Variants in NEO1 observed in about 807,000 individuals in gnomAD.
The protein encoded by NEO1 is neogenin.
A neutral mutation model predicts 159.7 loss-of-function variants in NEO1; 63 were observed. That is an observed-to-expected ratio of 0.39 (90% confidence interval 0.32 to 0.49). The LOEUF (loss-of-function observed/expected upper bound fraction) is 0.49. NEO1 is among the 20% of genes least tolerant of loss of function. The pLI, the probability that NEO1 is intolerant of heterozygous loss-of-function variation, is 0.85. For synonymous variants in NEO1, 633 were observed against 662.0 expected, an observed-to-expected ratio of 0.96 and a Z score of 0.67; for missense variants, 1,615 against 1,831.0, an observed-to-expected ratio of 0.88 and a Z score of 2.15.
chr15:73,084,055 T>C (rs1447782391), intron 1 of NEO1, among the ~76,000 whole-genome samples: 1 of 152,150 alleles, frequency 6.6e-6, no homozygotes, highest in Non-Finnish European at 1.5e-5. Flanking sequence ...TATATAGGGA[T>C]TGTGGAATGG....
chr15:73,231,590 C>T (rs2038913730), intron 7 of NEO1, among the ~76,000 whole-genome samples: 4 of 152,104 alleles, frequency 2.6e-5, no homozygotes, highest in Admixed American at 2.6e-4. Flanking sequence ...AAAAATTAGC[C>T]AGGCGTGGAT....
chr15:73,288,107 T>C (rs2042018730), intron 23 of NEO1, among the ~76,000 whole-genome samples: 1 of 152,170 alleles, frequency 6.6e-6, no homozygotes, highest in African/African-American at 2.4e-5. Flanking sequence ...TCTAAATATG[T>C]GTGGACAAAA....
rs142642737 is a variant in NEO1 at position 73,067,851 on chromosome 15, C to T, written c.130+15046C>T. 8.6e-3 allele frequency among the ~76,000 whole-genome samples: 1,308 copies of T among 152,110 alleles called. 23 individuals carry two copies. Among genetic ancestry groups the T allele is most frequent in the African/African-American group, 0.03 (1,231 of 41,500 alleles). On this transcript the variant is annotated intron_variant, in intron 1 of 28. Transcript: ENST00000261908. The stretch of plus-strand genomic sequence containing the variant: ...TAGGATGGTCTCGATCTCCTGACCT[C>T]GTGATCCACCTGTTTCGGCCTCCCA...
At chr15:73,242,824 G>C (rs1230758597) in intron 8 of NEO1, among the ~76,000 whole-genome samples, 4 of 152,206 alleles carry the variant, frequency 2.6e-5, no homozygotes, top group Admixed American at 2.6e-4. Context: ...AGTAGCAGAG[G>C]CAGAAGAGGT....
intron 5 of NEO1, among the ~76,000 whole-genome samples, chr15:73,170,936 G>C (rs564206320): frequency 6.6e-6 from 1 of 151,438 alleles, no homozygotes; most frequent in African/African-American, 2.4e-5. Flanking sequence ...CACCAAAAGA[G>C]AGATAGACAC....
intron 26 of NEO1, among the ~76,000 whole-genome samples, chr15:73,296,487 C>T (rs367954490): frequency 3.3e-5 from 5 of 152,098 alleles, no homozygotes; most frequent in Non-Finnish European, 7.4e-5. Context: ...TGTACGAGTC[C>T]CTCATCCATG....
chr15:73,288,822 T>A (rs938246759), intron 24 of NEO1, among the ~76,000 whole-genome samples: 13 of 152,190 alleles, frequency 8.5e-5, no homozygotes, highest in African/African-American at 3.1e-4. Flanking sequence ...TGAGGCTAGC[T>A]AGCCCATGTC....
chr15:73,069,260 C>T (rs1329713071), intron 1 of NEO1, among the ~76,000 whole-genome samples: 1 of 151,718 alleles, frequency 6.6e-6, no homozygotes, highest in Non-Finnish European at 1.5e-5. Context: ...CTGCGCACAG[C>T]CGAGTAGGGG....
intron 1 of NEO1, among the ~76,000 whole-genome samples, chr15:73,090,484 A>T (rs1047511210): frequency 6.6e-6 from 1 of 152,248 alleles, no homozygotes; most frequent in Admixed American, 6.5e-5. Flanking sequence ...ATCTCTGCTT[A>T]AAGATGGCAG....
chr15:73,052,635 C>A lies in NEO1; in HGVS notation c.-41C>A, dbSNP rs2067504996. 7 of 1,204,462 alleles carry A rather than the reference C, an allele frequency of 5.8e-6. No individual in the cohort carries two copies. The highest frequency in any genetic ancestry group is 7.3e-6 in the Non-Finnish European group (7 of 964,130). The allele number at this position is 1,204,462 out of a possible 1,614,324, so 74.6% of individuals were successfully genotyped here. A position where few individuals can be genotyped will look rare whatever the true frequency, so the allele number is the denominator to read the frequency against. ...GGGAGGGAAGGAGGCAAGGGCTCCG[C>A]GGCGCTGTCGCCGCCGCTGCCGCTC... On this transcript the variant is annotated 5_prime_UTR_variant, in exon 1 of 29. Coordinates refer to ENST00000261908, the MANE Select transcript of NEO1 (RefSeq NM_002499.4).
intron 1 of NEO1, among the ~76,000 whole-genome samples, chr15:73,053,812 C>T (rs1417532505): frequency 2.0e-5 from 3 of 152,200 alleles, no homozygotes; most frequent in African/African-American, 4.8e-5. Context: ...AACTTTCACT[C>T]GTGTGAGATA....
At chr15:73,167,843 A>G (rs895124571) in intron 5 of NEO1, among the ~76,000 whole-genome samples, 3 of 152,218 alleles carry the variant, frequency 2.0e-5, no homozygotes, top group African/African-American at 4.8e-5. Context: ...TTGCATTACA[A>G]TTAAATCATG....
intron 7 of NEO1, among the ~76,000 whole-genome samples, chr15:73,183,119 C>A (rs2035711373): frequency 6.6e-6 from 1 of 152,024 alleles, no homozygotes; most frequent in South Asian, 2.1e-4. Flanking sequence ...AGAGTACTCC[C>A]AATTAAGAGG....
intron 2 of NEO1, among the ~76,000 whole-genome samples, chr15:73,119,999 G>A (rs2071542659): frequency 6.6e-6 from 1 of 152,050 alleles, no homozygotes; most frequent in Admixed American, 6.6e-5. Flanking sequence ...TAGCCAGTAT[G>A]GTGGTGCCCG....
chr15:73,190,843 G>C (rs2036199121), intron 7 of NEO1, among the ~76,000 whole-genome samples: 1 of 151,862 alleles, frequency 6.6e-6, no homozygotes, highest in African/African-American at 2.4e-5. Context: ...TGCTGTCACT[G>C]CTTGGGTTCT....
At chr15:73,208,041 AACTAAACATTTTGAT>A (rs1567483681) in intron 7 of NEO1, among the ~76,000 whole-genome samples, 1 of 152,254 alleles carries the variant, frequency 6.6e-6, no homozygotes, top group Non-Finnish European at 1.5e-5. Context: ...TTTGCATACT[AACTAAACATTTTGAT>A]TTTTCCTTCT....
intron 7 of NEO1, among the ~76,000 whole-genome samples, chr15:73,184,140 T>C (rs2151980905): frequency 6.6e-6 from 1 of 152,180 alleles, no homozygotes; most frequent in Non-Finnish European, 1.5e-5. Flanking sequence ...TTTATATACC[T>C]TTTTTAAAAT....
chr15:73,164,926 G>A (rs916904160), intron 5 of NEO1, among the ~76,000 whole-genome samples: 15 of 152,018 alleles, frequency 9.9e-5, no homozygotes, highest in African/African-American at 3.4e-4. Context: ...GACTCAGTCT[G>A]TATTTTATTT....
intron 5 of NEO1, among the ~76,000 whole-genome samples, chr15:73,157,546 T>G (rs1462936583): frequency 6.6e-6 from 1 of 152,192 alleles, no homozygotes; most frequent in East Asian, 1.9e-4. Context: ...AGAAATACAC[T>G]CACTCACCCT....
Sources: allele counts gnomAD v4.1 joint callset (sites outside exome capture counted in the v4.1 genomes callset), GRCh38; gene constraint gnomAD v4.1.1; transcripts MANE v1.5; gene names NCBI Gene and HGNC (gene_info 2026-07-23, HGNC 2026-07-21).